The following MCPH1 variants were observed in gnomAD, a reference collection of about 807,000 sequenced individuals.
The protein encoded by MCPH1 is microcephalin.
In MCPH1, 104 loss-of-function variants were observed where a neutral mutation model predicts 84.5. The ratio of observed to expected loss-of-function variants is 1.23; its 90% CI spans 1.05 to 1.45. MCPH1 has a LOEUF of 1.45. Ranked by LOEUF, MCPH1 falls within the 40% of genes most tolerant of loss-of-function variation. The pLI, the probability that MCPH1 is intolerant of heterozygous loss-of-function variation, is 0.00. For synonymous variants in MCPH1, 514 were observed against 366.8 expected (o/e 1.40, Z -4.58); for missense variants, 1,498 against 1,005.7 (o/e 1.49, Z -6.62).
intron 12 of MCPH1, among the ~76,000 whole-genome samples, chr8:6,503,903 C>G (rs1463411463): frequency 6.6e-6 from 1 of 152,182 alleles, no homozygotes; most frequent in East Asian, 1.9e-4. Context: ...CAGGAGCATG[C>G]TGGGGTTTGT....
intron 12 of MCPH1, among the ~76,000 whole-genome samples, chr8:6,612,504 C>G (rs1335982459): frequency 6.6e-6 from 1 of 152,206 alleles, no homozygotes; most frequent in Non-Finnish European, 1.5e-5. Flanking sequence ...CTCCCCGACC[C>G]GTGCTCTTCA....
chr8:6,575,937 C>G (rs1173571359), intron 12 of MCPH1, among the ~76,000 whole-genome samples: 1 of 151,950 alleles, frequency 6.6e-6, no homozygotes, highest in African/African-American at 2.4e-5. Flanking sequence ...CCAACCCTGC[C>G]CCACACCTTC....
At chr8:6,545,881 A>C (rs1234494348) in intron 12 of MCPH1, among the ~76,000 whole-genome samples, 1 of 152,246 alleles carries the variant, frequency 6.6e-6, no homozygotes, top group Non-Finnish European at 1.5e-5. Context: ...GAGCTACTGC[A>C]ATGCAAGTGT....
At chr8:6,626,954 A>G (rs2129581624) in intron 13 of MCPH1, 1 of 985,050 alleles carries the variant, frequency 1.0e-6, no homozygotes, top group African/African-American at 1.7e-5. Flanking sequence ...CTATTGTGGG[A>G]ACATAATGTA....
chr8:6,575,883 G>A (rs1215791964), intron 12 of MCPH1, among the ~76,000 whole-genome samples: 1 of 152,098 alleles, frequency 6.6e-6, no homozygotes, highest in Non-Finnish European at 1.5e-5. Flanking sequence ...TAGCAGAGAG[G>A]CCTGGGACAG....
intron 12 of MCPH1, chr8:6,519,764 G>T: frequency 6.9e-7 from 1 of 1,456,520 alleles, no homozygotes; most frequent in Non-Finnish European, 9.4e-7. Flanking sequence ...TGTGAGGCTG[G>T]GGAAGATCTT....
intron 2 of MCPH1, among the ~76,000 whole-genome samples, chr8:6,409,682 A>T (rs992936950): frequency 1.2e-5 from 1 of 85,938 alleles, no homozygotes; most frequent in Non-Finnish European, 2.3e-5. Context: ...TAAGGGAAAA[A>T]TTGTAAATTT....
rs1803613388 is a variant in MCPH1 at position 6,442,167 on chromosome 8, T to C, written c.670+11T>C. 3.2e-6 allele frequency: 5 copies of C among 1,545,868 alleles called. No individual in the cohort carries two copies. Among genetic ancestry groups the C allele is most frequent in the African/African-American group, 2.7e-5 (2 of 73,442 alleles). ...ATACTTTGTGTTCAGGTAAAATTTT[T>C]ATTTTCCTTTCTGTGATATGTTTAA... On this transcript the variant is annotated intron_variant, in intron 7 of 13. Transcript: ENST00000344683.
At chr8:6,538,525 G>C (rs1198421161) in intron 12 of MCPH1, among the ~76,000 whole-genome samples, 1 of 152,136 alleles carries the variant, frequency 6.6e-6, no homozygotes. Flanking sequence ...CCCTGATCTT[G>C]TGGGCCTCAG....
chr8:6,477,254 C>T (rs76298532), intron 9 of MCPH1: 4,533 of 250,154 alleles, frequency 0.018, 81 homozygotes, highest in Middle Eastern at 0.033. Flanking sequence ...TACAAAAACA[C>T]CCTTCTTACC....
chr8:6,474,034 C>T, intron 9 of MCPH1: 2 of 833,836 alleles, frequency 2.4e-6, no homozygotes, highest in Non-Finnish European at 4.1e-6. Flanking sequence ...CATTATAACC[C>T]CTCATTTGAA....
At chr8:6,543,297 C>T (rs999430142) in intron 12 of MCPH1, among the ~76,000 whole-genome samples, 10 of 152,164 alleles carry the variant, frequency 6.6e-5, no homozygotes, top group Admixed American at 2.0e-4. Context: ...ACTGACCCGC[C>T]GTCCGCAAAT....
intron 3 of MCPH1, among the ~76,000 whole-genome samples, chr8:6,429,925 A>G (rs927956511): frequency 6.6e-6 from 1 of 152,138 alleles, no homozygotes; most frequent in African/African-American, 2.4e-5. Context: ...TAGAAAGTAC[A>G]ACCCTTGGAA....
At chr8:6,612,499 C>T (rs1018767761) in intron 12 of MCPH1, among the ~76,000 whole-genome samples, 7 of 152,180 alleles carry the variant, frequency 4.6e-5, no homozygotes, top group Non-Finnish European at 1.0e-4. Context: ...ACATCCTCCC[C>T]GACCCGTGCT....
chr8:6,550,338 GT>G (rs1337814023), intron 12 of MCPH1, among the ~76,000 whole-genome samples: 1 of 152,214 alleles, frequency 6.6e-6, no homozygotes, highest in African/African-American at 2.4e-5. Flanking sequence ...GAGTGAGGCA[GT>G]GTGGCGTGGG....
intron 9 of MCPH1, chr8:6,473,840 A>C: frequency 7.1e-7 from 1 of 1,404,506 alleles, no homozygotes; most frequent in East Asian, 2.3e-5. Context: ...TAGCCTTATA[A>C]GTCAAGAGTT....
At chr8:6,456,453 T>G (rs1805688888) in intron 9 of MCPH1, among the ~76,000 whole-genome samples, 1 of 152,212 alleles carries the variant, frequency 6.6e-6, no homozygotes, top group Non-Finnish European at 1.5e-5. Flanking sequence ...CCGCTTGACC[T>G]AGTTCATTTG....
intron 11 of MCPH1, among the ~76,000 whole-genome samples, chr8:6,490,190 C>T (rs989591169): frequency 6.6e-6 from 1 of 152,202 alleles, no homozygotes; most frequent in African/African-American, 2.4e-5. Context: ...TTGCAGTGTT[C>T]TGCCAGACAT....
intron 9 of MCPH1, 51 bp downstream of exon 9, chr8:6,455,303 A>G (rs761569731): frequency 7.9e-7 from 1 of 1,262,488 alleles, no homozygotes; most frequent in South Asian, 1.2e-5. Flanking sequence ...ATACATCATA[A>G]TGTTCTTCTC....
Sources: gnomAD v4.1 joint callset for allele counts (sites outside exome capture counted in the v4.1 genomes callset) on GRCh38, gnomAD v4.1.1 for gene constraint, MANE v1.5 for transcripts, NCBI Gene and HGNC (gene_info 2026-07-23, HGNC 2026-07-21) for gene names.